The following YLPM1 variants were observed in gnomAD, a reference collection of about 807,000 sequenced individuals.
YLPM1 encodes the protein YLP motif containing 1.
In YLPM1, 99 loss-of-function variants were observed where a neutral mutation model predicts 230.0. That is an observed-to-expected ratio of 0.43 (90% CI 0.37 to 0.51). The LOEUF is 0.51. YLPM1 is among the 20% of genes least tolerant of loss of function. The pLI, the probability that YLPM1 is intolerant of heterozygous loss-of-function variation, is 0.00. For missense variants in YLPM1, 2,592 were observed against 2,707.7 expected (o/e 0.96, Z 0.95); for synonymous variants, 984 against 942.5 (o/e 1.04, Z -0.81).
chr14:74,806,358 A>G lies in YLPM1; in HGVS notation c.4522-3022A>G, dbSNP rs78196644. 3.9e-4 allele frequency among the ~76,000 whole-genome samples: 59 copies of G among 151,844 alleles called. 1 individual carries two copies. In the East Asian group the frequency reaches 0.011, roughly 28 times the overall value. On this transcript the variant is annotated intron_variant, in intron 6 of 20. Transcript: ENST00000325680. ...GGTGACAGATCAAGACTCTGTCTCA[A>G]GTGCATCACCTGAGGTCAGGAGTTC...
chr14:74,827,490 T>C (rs913604033), intron 18 of YLPM1: 2 of 985,322 alleles, frequency 2.0e-6, no homozygotes, highest in African/African-American at 3.5e-5. Flanking sequence ...TAGAAATACA[T>C]GCTCTTCTGA....
intron 16 of YLPM1, 89 bp downstream of exon 16, chr14:74,818,403 A>G: frequency 7.5e-6 from 8 of 1,069,362 alleles, no homozygotes; most frequent in South Asian, 1.7e-5. Flanking sequence ...CAGAAAAGTT[A>G]TATGAATAGT....
In YLPM1 at chr14:74,823,204, G is replaced by A. The variant is rs1051315759; in HGVS notation, c.6112-1052G>A. 2.0e-5 allele frequency among the ~76,000 whole-genome samples: 3 copies of A among 152,004 alleles called. No individual in the cohort carries two copies. The South Asian group carries it at 6.2e-4, about 31-fold the overall frequency. On this transcript the variant is annotated intron_variant, in intron 17 of 20. Transcript: ENST00000325680. ...CATCATGAAATCTTCAAAATGCTTTGTGACTTACTTTACCTGTGTGTCAGT... is the reference window on the plus strand; with the variant it reads ...CATCATGAAATCTTCAAAATGCTTTATGACTTACTTTACCTGTGTGTCAGT...
intron 4 of YLPM1, among the ~76,000 whole-genome samples, chr14:74,794,097 T>C (rs184267869): frequency 3.3e-5 from 5 of 152,220 alleles, no homozygotes; most frequent in Admixed American, 1.3e-4. Context: ...CTGTTTATTA[T>C]GGGTTTGTGT....
In YLPM1 at chr14:74,764,235, C is replaced by G. The variant is rs201042119; in HGVS notation, c.746C>G (p.Pro249Arg). ...AAATCCCAACTACTAGCTCCACCAC[C>G]ACCGTCCGCCCCCCCTGGAAATAAG... The part of the protein sequence containing the change: ...HSKSQLLAPP[P>R]PSAPPGNKTT... Residue 249 changes from proline to arginine, a missense_variant, in exon 1 of 21, where the codon CCA (proline) becomes CGA (arginine). By Grantham distance (103) the Pro-to-Arg change is moderately radical (BLOSUM62 -2). Around this residue, in one of 4 missense-constraint regions of YLPM1, gnomAD observed 1,862 missense variants for 1,819.8 expected, o/e 1.02. Transcript: ENST00000325680. 1 of 1,613,620 alleles carries G rather than the reference C, an allele frequency of 6.2e-7. No individual in the cohort carries two copies.
At chr14:74,786,634 G>T (rs1001629115) in intron 4 of YLPM1, among the ~76,000 whole-genome samples, 1 of 152,066 alleles carries the variant, frequency 6.6e-6, no homozygotes, top group Non-Finnish European at 1.5e-5. Flanking sequence ...GTTTATTCCC[G>T]TTCCTGTACA....
At chr14:74,829,122 G>A (rs1334059861) in intron 18 of YLPM1, 91 bp from the exon 19 acceptor site, 6 of 1,520,672 alleles carry the variant, frequency 3.9e-6, no homozygotes, top group Non-Finnish European at 5.4e-6. Flanking sequence ...TATGCCCTCT[G>A]AAAGCGTTCC....
intron 1 of YLPM1, among the ~76,000 whole-genome samples, chr14:74,766,917 A>G (rs2090917790): frequency 7.2e-6 from 1 of 138,624 alleles, no homozygotes; most frequent in Admixed American, 7.6e-5. Context: ...GGAGTCTCAC[A>G]CTGTTGCCCA....
Position 74,809,393 on chromosome 14 carries a change from A to G in YLPM1, c.4535A>G (p.Tyr1512Cys). 6.2e-7 allele frequency: 1 copy of G among 1,608,778 alleles called. No individual in the cohort carries two copies. Among genetic ancestry groups the G allele is most frequent in the Non-Finnish European group, 8.5e-7 (1 of 1,177,316 alleles). Residue 1512 changes from tyrosine to cysteine, a missense_variant, in exon 7 of 21, where the codon TAT becomes TGT. Tyr to Cys is a radical substitution (Grantham distance 194, BLOSUM62 -2). Coordinates refer to ENST00000325680, the MANE Select transcript of YLPM1 (RefSeq NM_019589.3). ...RPGMYPPPGSYRPPPPMGKPP... is the reference protein window; with the variant it reads ...RPGMYPPPGSCRPPPPMGKPP... ...TCTGTTCTCTAGCCTCCAGGGTCGT[A>G]TAGACCTCCCCCTCCTATGGGCAAA...
At chr14:74,777,064 A>G (rs1359228569) in intron 1 of YLPM1, among the ~76,000 whole-genome samples, 2 of 151,970 alleles carry the variant, frequency 1.3e-5, no homozygotes, top group African/African-American at 2.4e-5. Context: ...GTCTCAAAAA[A>G]AGAAAAAAAA....
Position 74,837,191 on chromosome 14 carries a change from A to G in YLPM1, c.*1453A>G, listed in dbSNP as rs1483688723. 6.6e-6 allele frequency: 1 copy of G among 152,220 alleles called. No homozygotes were observed. The highest frequency in any genetic ancestry group is 1.5e-5 in the Non-Finnish European group (1 of 68,032). 9.4% of individuals were successfully genotyped at this position (152,220 alleles called of 1,614,324 possible). A position where few individuals can be genotyped will look rare whatever the true frequency, so the allele number is the denominator to read the frequency against. On this transcript the variant is annotated 3_prime_UTR_variant, in exon 21 of 21. Coordinates refer to ENST00000325680, the MANE Select transcript of YLPM1 (RefSeq NM_019589.3). ...ATACCCCTAATTTAATGGAAATTCT[A>G]ACAACTTTCTGTACTTTTATCTTCC...
Position 74,788,027 on chromosome 14 carries a change from A to G in YLPM1, c.2282+5702A>G, listed in dbSNP as rs181805324. ...GTCTCAAAAATAAAAATAAAGGGAT[A>G]GTGAAAAAAATGTTAAAGACAAACT... On this transcript the variant is annotated intron_variant, in intron 4 of 20. Transcript: ENST00000325680. Among the ~76,000 whole-genome samples the G allele has an allele frequency of 2.4e-3, 365 of 152,278 alleles. 3 individuals are homozygous for G. Among genetic ancestry groups the G allele is most frequent in the African/African-American group, 8.4e-3 (348 of 41,546 alleles).
chr14:74,763,618 G>A lies in YLPM1; in HGVS notation c.129G>A (p.Ala43=), dbSNP rs1427930018. The A allele has an allele frequency of 2.5e-6, 4 of 1,587,682 alleles. No individual in the cohort carries two copies. The highest frequency in any genetic ancestry group is 3.4e-6 in the Non-Finnish European group (4 of 1,166,322). The change falls in exon 1 of 21, where the codon GCG becomes GCA. Residue 43 remains alanine (A), a synonymous_variant. Transcript: ENST00000325680. ...GPGYSSSTTP[A]APSSSGFMSF... is the part of the protein sequence containing the mutation. ...GGTACTCGAGCTCGACGACTCCCGC[G>A]GCCCCCTCCTCCTCGGGCTTCATGA...
intron 1 of YLPM1, among the ~76,000 whole-genome samples, chr14:74,772,408 T>C (rs1337691819): frequency 6.6e-6 from 1 of 151,502 alleles, no homozygotes; most frequent in East Asian, 1.9e-4. Context: ...CAGGCTGAAG[T>C]GCAGTGGCGC....
chr14:74,835,415 T>C lies in YLPM1; in HGVS notation c.*4T>C. 2.5e-6 allele frequency: 4 copies of C among 1,613,258 alleles called. No individual in the cohort carries two copies. Among genetic ancestry groups the C allele is most frequent in the Non-Finnish European group, 3.4e-6 (4 of 1,179,470 alleles). On this transcript the variant is annotated 3_prime_UTR_variant, in exon 20 of 21. Transcript: ENST00000325680. Reference sequence around the variant, plus strand: ...CAATCGAACCAAATATATATGAGACTTAGTTTTTGAACGGAGTCATTATTC... The same window carrying C: ...CAATCGAACCAAATATATATGAGACCTAGTTTTTGAACGGAGTCATTATTC...
At chr14:74,766,479 T>C (rs2090912160) in intron 1 of YLPM1, among the ~76,000 whole-genome samples, 1 of 152,004 alleles carries the variant, frequency 6.6e-6, no homozygotes, top group Non-Finnish European at 1.5e-5. Context: ...CCTTTTTTAT[T>C]ATTGTTGCAT....
At chr14:74,834,195 A>AG (rs1566770578) in intron 19 of YLPM1, among the ~76,000 whole-genome samples, 1 of 151,504 alleles carries the variant, frequency 6.6e-6, no homozygotes, top group Non-Finnish European at 1.5e-5. Flanking sequence ...AAAAAAAAAA[A>AG]AAAAATTACA....
At chr14:74,782,772 G>A (rs1298991879) in intron 4 of YLPM1, among the ~76,000 whole-genome samples, 1 of 152,086 alleles carries the variant, frequency 6.6e-6, no homozygotes, top group East Asian at 1.9e-4. Flanking sequence ...AAGGTAAGTA[G>A]GACTTTTATT....
intron 4 of YLPM1, among the ~76,000 whole-genome samples, chr14:74,796,360 G>A (rs1039470774): frequency 3.3e-5 from 5 of 151,992 alleles, no homozygotes; most frequent in African/African-American, 9.7e-5. Context: ...ACGTTTCTCC[G>A]CCTTTCCTCT....
Sources: allele counts gnomAD v4.1 joint callset (sites outside exome capture counted in the v4.1 genomes callset), GRCh38; gene constraint gnomAD v4.1.1; regional missense constraint gnomAD v4.1.1; transcripts MANE v1.5; gene names NCBI Gene and HGNC (gene_info 2026-07-23, HGNC 2026-07-21).